The following BARHL2 variants were observed in gnomAD, a reference collection of about 807,000 sequenced individuals.
BARHL2 encodes barH-like 2 homeobox protein.
In BARHL2, 10 loss-of-function variants were observed where a neutral mutation model predicts 27.1. The observed-to-expected ratio is 0.37, with a 90% CI of 0.23 to 0.63. BARHL2 has a LOEUF of 0.63. BARHL2 is among the 20% of genes least tolerant of loss of function. BARHL2 has a pLI of 0.65. For synonymous variants in BARHL2, 248 were observed against 224.7 expected (o/e 1.10, Z -0.93); for missense variants, 483 against 533.5 (o/e 0.91, Z 0.93).
chr1:90,715,811 G>A (rs1658132194), intron 1 of BARHL2, among the ~76,000 whole-genome samples: 1 of 152,008 alleles, frequency 6.6e-6, no homozygotes, highest in Non-Finnish European at 1.5e-5. Flanking sequence ...TGGAAAAAGG[G>A]AGTTGAAGGA....
intron 2 of BARHL2, among the ~76,000 whole-genome samples, 173 bp from the exon 3 acceptor site, chr1:90,712,797 C>T (rs1658063867): frequency 3.9e-5 from 6 of 152,188 alleles, no homozygotes; most frequent in Admixed American, 3.9e-4. Context: ...CCCAGCCTTG[C>T]TCCCAGAAAG....
chr1:90,714,178 G>C (rs551351462), intron 2 of BARHL2, among the ~76,000 whole-genome samples: 1 of 152,346 alleles, frequency 6.6e-6, no homozygotes, highest in African/African-American at 2.4e-5. Flanking sequence ...GGTGCACCGC[G>C]CAGGCTCTCT....
In BARHL2 at chr1:90,716,563, G is replaced by A; in HGVS notation, c.625+8C>T. On this transcript the variant is annotated splice_region_variant and intron_variant, in intron 1 of 2. Transcript: ENST00000370445. ...AGACGGCCGAGAGCGCCGGGTGGCG[G>A]GACTCACCGTGGCATTTGATGTCGC... 1 of 1,613,462 alleles carries A rather than the reference G, an allele frequency of 6.2e-7. No homozygotes were observed. Among genetic ancestry groups the A allele is most frequent in the Non-Finnish European group, 8.5e-7 (1 of 1,179,632 alleles).
chr1:90,713,093 G>A (rs1342785), intron 2 of BARHL2, among the ~76,000 whole-genome samples: 5,082 of 152,126 alleles, frequency 0.033, 106 homozygotes, highest in Middle Eastern at 0.065. Flanking sequence ...AGAAGAAACC[G>A]TAAACAAAGG....
At position 90,716,737 on chromosome 1, in the gene BARHL2, A is replaced by C. The variant is rs1279243036; in HGVS notation, c.459T>G (p.Pro153=). ...TGCTGTAGGGTGCACATGCCGCCAG[A>C]GGTTTGCTGTCGCCCAAGATGTCCT... is the stretch of plus-strand genomic sequence containing the variant. The part of the protein sequence containing the change: ...LIKDILGDSK[P]LAACAPYSTS... The change falls in exon 1 of 3, where the codon CCT becomes CCG. Residue 153 remains proline (P), a synonymous_variant. Transcript: ENST00000370445. 2 of 1,601,962 alleles carry C rather than the reference A, an allele frequency of 1.2e-6. No individual in the cohort carries two copies. Among genetic ancestry groups the C allele is most frequent in the African/African-American group, 2.7e-5 (2 of 74,818 alleles).
Position 90,712,302 on chromosome 1 carries a change from T to A in BARHL2, c.*10A>T, listed in dbSNP as rs1242165646. On this transcript the variant is annotated 3_prime_UTR_variant, in exon 3 of 3. Coordinates refer to ENST00000370445, the MANE Select transcript of BARHL2 (RefSeq NM_020063.2). ...GGGGAAGGGATTGCAGTGCCTTCGC[T>A]GCAATGTTTTCACCGGGGGTGTGGG... 2.1e-6 allele frequency: 3 copies of A among 1,449,946 alleles called. No individual in the cohort carries two copies. Among genetic ancestry groups the A allele is most frequent in the South Asian group, 2.9e-5 (2 of 69,506 alleles). The allele number at this position is 1,449,946 out of a possible 1,614,324, so 89.8% of individuals were successfully genotyped here.
chr1:90,717,227 C>A lies in BARHL2; in HGVS notation c.-32G>T, dbSNP rs201344199. ...ATGAGGTCCACGCCACTCCGCCGTT[C>A]AGCAGCCGCCCCGAACCAGCGAAGA... On this transcript the variant is annotated 5_prime_UTR_variant, in exon 1 of 3. Transcript: ENST00000370445. 14 of 1,590,486 alleles carry A rather than the reference C, an allele frequency of 8.8e-6. No homozygotes were observed. In the Middle Eastern group the frequency reaches 6.7e-4, roughly 76 times the overall value.
At chr1:90,716,537 T>C (rs761730934) in intron 1 of BARHL2, 34 bp downstream of exon 1, 7 of 1,606,460 alleles carry the variant, frequency 4.4e-6, no homozygotes, top group Middle Eastern at 1.9e-4. Context: ...GAGGACAAGC[T>C]AGACGGCCGA....
chr1:90,712,276 T>C lies in BARHL2; in HGVS notation c.*36A>G, dbSNP rs1466066287. ...CAGCAGTCCGGGTTGGGCAGGGATA[T>C]GGGGAAGGGATTGCAGTGCCTTCGC... On this transcript the variant is annotated 3_prime_UTR_variant, in exon 3 of 3. Coordinates refer to ENST00000370445, the MANE Select transcript of BARHL2 (RefSeq NM_020063.2). 6 of 1,427,562 alleles carry C rather than the reference T, an allele frequency of 4.2e-6. No homozygotes were observed. Among genetic ancestry groups the C allele is most frequent in the Non-Finnish European group, 5.5e-6 (6 of 1,089,776 alleles). The allele number at this position is 1,427,562 out of a possible 1,614,324, so 88.4% of individuals were successfully genotyped here.
At chr1:90,714,481 C>T in intron 2 of BARHL2, 50 bp downstream of exon 2, 2 of 1,532,590 alleles carry the variant, frequency 1.3e-6, no homozygotes, top group South Asian at 1.1e-5. Flanking sequence ...GTATAATGAT[C>T]ATGACTTAAA....
rs2100639595 is a variant in BARHL2 at position 90,712,399 on chromosome 1, A to G, written c.1077T>C (p.Arg359=). The G allele has an allele frequency of 6.3e-7, 1 of 1,598,138 alleles. No homozygotes were observed. Among genetic ancestry groups the G allele is most frequent in the South Asian group, 1.1e-5 (1 of 89,032 alleles). Reference sequence around the variant, plus strand: ...CAGGCCCTAGGCCGTGGATGAGCACACGGGGCACCAGGGGCCGCTGCAGCT... The same window carrying G: ...CAGGCCCTAGGCCGTGGATGAGCACGCGGGGCACCAGGGGCCGCTGCAGCT... The part of the protein sequence containing the change: ...HPQLQRPLVP[R]VLIHGLGPGG... The change falls in exon 3 of 3, where the codon CGT becomes CGC. Residue 359 remains arginine, a synonymous_variant. Coordinates refer to ENST00000370445, the MANE Select transcript of BARHL2 (RefSeq NM_020063.2).
rs763642668 is a variant in BARHL2 at position 90,716,904 on chromosome 1, C to CCGGCGG, written c.286_291dup (p.Pro96_Pro97dup). On this transcript the variant is annotated inframe_insertion, in exon 1 of 3. Coordinates refer to ENST00000370445, the MANE Select transcript of BARHL2 (RefSeq NM_020063.2). ...TGCAAACTTTGCGTCGGGGCCGCGG[C>CCGGCGG]CGGCGGCGGCGGCTGCTGGCTGTGG... 44 of 1,599,130 alleles carry CCGGCGG rather than the reference C, an allele frequency of 2.8e-5. No homozygotes were observed. The African/African-American group carries it at 3.5e-4, about 13-fold the overall frequency.
Position 90,716,557 on chromosome 1 carries a change from G to T in BARHL2, c.625+14C>A, listed in dbSNP as rs1160429586. The T allele has an allele frequency of 6.2e-7, 1 of 1,613,224 alleles. No individual in the cohort carries two copies. Among genetic ancestry groups the T allele is most frequent in the South Asian group, 1.1e-5 (1 of 91,036 alleles). The stretch of plus-strand genomic sequence containing the variant: ...CAAGCTAGACGGCCGAGAGCGCCGG[G>T]TGGCGGGACTCACCGTGGCATTTGA... On this transcript the variant is annotated intron_variant, in intron 1 of 2. Coordinates refer to ENST00000370445, the MANE Select transcript of BARHL2 (RefSeq NM_020063.2).
At chr1:90,714,428 C>G in intron 2 of BARHL2, 103 bp downstream of exon 2, 1 of 1,168,010 alleles carries the variant, frequency 8.6e-7, no homozygotes, top group South Asian at 1.4e-5. Context: ...CAGGGTCACT[C>G]TCAGTCCTTA....
In BARHL2 at chr1:90,716,827, C is replaced by G. The variant is rs932161610; in HGVS notation, c.369G>C (p.Pro123=). ...QPLPPQQPPP[P]PPQQLGSAAS... is the part of the protein sequence containing the mutation. ...CGGCCGAGCCCAGCTGCTGGGGGGG[C>G]GGCGGCGGCGGCTGCTGTGGCGGCA... is the stretch of plus-strand genomic sequence containing the variant. Residue 123 remains proline, a synonymous_variant, in exon 1 of 3, where the codon CCG becomes CCC. Transcript: ENST00000370445. The G allele has an allele frequency of 2.0e-4, 309 of 1,544,200 alleles. No individual in the cohort carries two copies. Among genetic ancestry groups the G allele is most frequent in the Middle Eastern group, 3.6e-4 (2 of 5,626 alleles).
At position 90,714,514 on chromosome 1, in the gene BARHL2, C is replaced by T; in HGVS notation, c.851+17G>A. 6.2e-7 allele frequency: 1 copy of T among 1,612,834 alleles called. No homozygotes were observed. The highest frequency in any genetic ancestry group is 8.5e-7 in the Non-Finnish European group (1 of 1,178,812). On this transcript the variant is annotated intron_variant, in intron 2 of 2. Transcript: ENST00000370445. Reference sequence around the variant, plus strand: ...AAATGGCCAGACACCTTTGCTCCCCCAAAGTGCCTCCCTTACCTGCGGTTC... The same window carrying T: ...AAATGGCCAGACACCTTTGCTCCCCTAAAGTGCCTCCCTTACCTGCGGTTC...
chr1:90,711,553 TAA>T lies in BARHL2; in HGVS notation c.*757_*758del, dbSNP rs1198075484. On this transcript the variant is annotated 3_prime_UTR_variant, in exon 3 of 3. Transcript: ENST00000370445. Reference sequence around the variant, plus strand: ...GATTTCATCACTTGTTAAAAAAAGATAAACTTTATTTTTGTAATTTTCAATCA... The same window carrying T: ...GATTTCATCACTTGTTAAAAAAAGATACTTTATTTTTGTAATTTTCAATCA... 6.6e-6 allele frequency: 1 copy of T among 152,174 alleles called. No homozygotes were observed. The highest frequency in any genetic ancestry group is 1.5e-5 in the Non-Finnish European group (1 of 68,008). The allele number at this position is 152,174 out of a possible 1,614,324, so 9.4% of individuals were successfully genotyped here. A position where few individuals can be genotyped will look rare whatever the true frequency, so the allele number is the denominator to read the frequency against.
rs1658051344 is a variant in BARHL2, at chr1:90,712,376, G to A, written c.1100C>T (p.Pro367Leu). The A allele has an allele frequency of 1.9e-6, 3 of 1,569,598 alleles. No homozygotes were observed. The highest frequency in any genetic ancestry group is 2.7e-5 in the African/African-American group (2 of 73,912). The stretch of plus-strand genomic sequence containing the variant: ...TGGATTAAGGGCTGGCTGTCCCCCA[G>A]GCCCTAGGCCGTGGATGAGCACACG... ...VPRVLIHGLG[P>L]GGQPALNPLS... Residue 367 changes from proline to leucine, a missense_variant, in exon 3 of 3, where the codon CCT becomes CTT. By Grantham distance (98) the Pro-to-Leu change is moderately conservative. Around this residue, in one of 3 missense-constraint regions of BARHL2, gnomAD observed 130 missense variants for 138.0 expected, o/e 0.94. Transcript: ENST00000370445.
At chr1:90,714,146 C>T (rs190369709) in intron 2 of BARHL2, among the ~76,000 whole-genome samples, 114 of 152,320 alleles carry the variant, frequency 7.5e-4, no homozygotes, top group African/African-American at 2.6e-3. Flanking sequence ...ACCTTTGGAA[C>T]CAGCCTGGGG....
Sources: allele counts gnomAD v4.1 joint callset (sites outside exome capture counted in the v4.1 genomes callset), GRCh38; gene constraint gnomAD v4.1.1; regional missense constraint gnomAD v4.1.1; transcripts MANE v1.5; gene names NCBI Gene and HGNC (gene_info 2026-07-23, HGNC 2026-07-21).